The following KIR2DL1 variants were observed in gnomAD, a reference collection of about 807,000 sequenced individuals.
The protein encoded by KIR2DL1 is killer cell immunoglobulin-like receptor 2DL1.
In KIR2DL1, 38 loss-of-function variants were observed where a neutral mutation model predicts 33.9. The ratio of observed to expected loss-of-function variants is 1.12; its 90% CI spans 0.86 to 1.47. KIR2DL1 has a LOEUF of 1.47. Among genes scored for constraint, KIR2DL1 ranks in the 40% most tolerant of loss-of-function variants. KIR2DL1 has a pLI of 0.00. For synonymous variants in KIR2DL1, 179 were observed against 165.9 expected, an observed-to-expected ratio of 1.08 and a Z score of -0.61; for missense variants, 531 against 433.9, an observed-to-expected ratio of 1.22 and a Z score of -1.99.
chr19:54,775,346 C>A lies in KIR2DL1; in HGVS notation c.552C>A (p.Asp184Glu). Residue 184 changes from aspartate (D) to glutamate (E), a missense_variant, in exon 4 of 8, where the codon GAC becomes GAA. Transcript: ENST00000336077. ...AGGTCAACGGAACATTCCAGGCTGACTTTCCTCTGGGCCCTGCCACCCACG... is the reference window on the plus strand; with the variant it reads ...AGGTCAACGGAACATTCCAGGCTGAATTTCCTCTGGGCCCTGCCACCCACG... Reference protein sequence around the residue: ...GPKVNGTFQADFPLGPATHGG... With the variant: ...GPKVNGTFQAEFPLGPATHGG... The A allele has an allele frequency of 4.4e-6, 7 of 1,582,184 alleles. 1 individual carries two copies. Among genetic ancestry groups the A allele is most frequent in the Non-Finnish European group, 6.1e-6 (7 of 1,154,272 alleles).
At position 54,783,371 on chromosome 19, in the gene KIR2DL1, G is replaced by C. The variant is rs1362903764; in HGVS notation, c.818-115G>C. 5.2e-6 allele frequency: 6 copies of C among 1,148,524 alleles called. No individual in the cohort carries two copies. In the Admixed American group the frequency reaches 1.2e-4, roughly 24 times the overall value. The allele number at this position is 1,148,524 out of a possible 1,614,324, so 71.1% of individuals were successfully genotyped here. The stretch of plus-strand genomic sequence containing the variant: ...AGATAGAATGTCTGAGTCTGCTGTT[G>C]GCAACTGAGGGACCTCAGCCACCTA... On this transcript the variant is annotated intron_variant, in intron 6 of 7. Transcript: ENST00000336077.
At chr19:54,776,288 TCCTCCAGTAG>T (rs2076331533) in intron 4 of KIR2DL1, among the ~76,000 whole-genome samples, 2 of 141,872 alleles carry the variant, frequency 1.4e-5, no homozygotes, top group African/African-American at 5.1e-5. Context: ...TTTCTTCCTG[TCCTCCAGTAG>T]CCACCATTCT....
chr19:54,783,454 C>T lies in KIR2DL1; in HGVS notation c.818-32C>T, dbSNP rs370360063. The T allele has an allele frequency of 1.3e-4, 215 of 1,607,312 alleles. 1 individual carries two copies. Among genetic ancestry groups the T allele is most frequent in the African/African-American group, 1.3e-3 (98 of 74,572 alleles). ...GAAATGAGGACCCAGAAGTGCCCTCCGAGCTGTTTTGTTGACTTCCATCTT... is the reference window on the plus strand; with the variant it reads ...GAAATGAGGACCCAGAAGTGCCCTCTGAGCTGTTTTGTTGACTTCCATCTT... On this transcript the variant is annotated intron_variant, in intron 6 of 7. Transcript: ENST00000336077.
At chr19:54,779,666 C>T (rs1234982075) in intron 5 of KIR2DL1, among the ~76,000 whole-genome samples, 1 of 148,506 alleles carries the variant, frequency 6.7e-6, no homozygotes, top group Admixed American at 6.8e-5. Flanking sequence ...CTTCATTCCT[C>T]CTTTCCATGT....
rs1441669126 is a variant in KIR2DL1 at position 54,776,941 on chromosome 19, C to G, written c.664+1483C>G. Among the ~76,000 whole-genome samples the G allele has an allele frequency of 4.7e-5, 7 of 149,426 alleles. No homozygotes were observed. The South Asian group carries it at 1.5e-3, about 32-fold the overall frequency. ...ACAGGCATGATCCACCTCACCCAAC[C>G]TCTTTTTAGTTCTTTAAAGGACTTC... On this transcript the variant is annotated intron_variant, in intron 4 of 7. Transcript: ENST00000336077.
At chr19:54,777,368 C>G (rs28887777) in intron 4 of KIR2DL1, among the ~76,000 whole-genome samples, 24,766 of 118,096 alleles carry the variant, frequency 0.21, 532 homozygotes, top group South Asian at 0.28. Flanking sequence ...TAGGATGACA[C>G]AAGTGAGCCA....
At chr19:54,774,835 G>C (rs1476797317) in intron 3 of KIR2DL1, among the ~76,000 whole-genome samples, 2 of 148,606 alleles carry the variant, frequency 1.3e-5, no homozygotes, top group Non-Finnish European at 3.0e-5. Context: ...ATAATAGATA[G>C]AAATATGCAG....
chr19:54,775,606 A>G (rs2076237511), intron 4 of KIR2DL1, 148 bp downstream of exon 4: 1 of 1,163,582 alleles, frequency 8.6e-7, no homozygotes, highest in East Asian at 2.4e-5. Flanking sequence ...AGGATGGCCG[A>G]CAGGGCACCT....
At chr19:54,781,629 T>G (rs2076958333) in intron 5 of KIR2DL1, among the ~76,000 whole-genome samples, 1 of 151,804 alleles carries the variant, frequency 6.6e-6, no homozygotes, top group African/African-American at 2.4e-5. Flanking sequence ...TTTGAAGCAA[T>G]AGATGGCCGA....
intron 3 of KIR2DL1, among the ~76,000 whole-genome samples, chr19:54,774,646 A>G (rs1480989803): frequency 0.01 from 1,486 of 148,294 alleles, no homozygotes; most frequent in African/African-American, 0.035. Flanking sequence ...GATAATACAT[A>G]GAGATACAGA....
At position 54,775,089 on chromosome 19, in the gene KIR2DL1, G is replaced by A. The variant is rs1387561763; in HGVS notation, c.371-76G>A. On this transcript the variant is annotated intron_variant, in intron 3 of 7. Coordinates refer to ENST00000336077, the MANE Select transcript of KIR2DL1 (RefSeq NM_014218.3). ...GAGCATTAGGTCATAGAACAGGGGA[G>A]TGAGTTCTCAGCTCAGGTGAAGGGA... The A allele has an allele frequency of 4.1e-5, 60 of 1,472,716 alleles. 1 individual carries two copies. The Middle Eastern group carries it at 8.1e-4, about 20-fold the overall frequency. 91.2% of individuals were successfully genotyped at this position (1,472,716 alleles called of 1,614,324 possible). A position where few individuals can be genotyped will look rare whatever the true frequency, so the allele number is the denominator to read the frequency against.
rs1174070412 is a variant in KIR2DL1, at chr19:54,773,183, C to G, written c.71-150C>G. On this transcript the variant is annotated intron_variant, in intron 2 of 7. Transcript: ENST00000336077. ...AGGGAGACAGATGGAAGGACCTGCA[C>G]CAGGAGTTATGGGCACAGAAAAGAA... The G allele has an allele frequency of 2.7e-5, 27 of 987,712 alleles. 1 individual carries two copies. The highest frequency in any genetic ancestry group is 3.7e-5 in the Non-Finnish European group (25 of 675,368). 61.2% of individuals were successfully genotyped at this position (987,712 alleles called of 1,614,324 possible).
At position 54,783,653 on chromosome 19, in the gene KIR2DL1, A is replaced by G. The variant is rs112810313; in HGVS notation, c.887A>G (p.Asp296Gly). ...TCTCTCCAGGACTCTGATGAACAAG[A>G]CCCTCAGGAGGTGACATACACACAG... Reference protein sequence around the residue: ...TANSEDSDEQDPQEVTYTQLN... With the variant: ...TANSEDSDEQGPQEVTYTQLN... The change falls in exon 8 of 8, where the codon GAC (aspartate) becomes GGC (glycine). Residue 296 changes from aspartate to glycine, a missense_variant. By Grantham distance (94) the Asp-to-Gly change is moderately conservative. Coordinates refer to ENST00000336077, the MANE Select transcript of KIR2DL1 (RefSeq NM_014218.3). The G allele has an allele frequency of 8.7e-6, 14 of 1,613,986 alleles. No homozygotes were observed. Among genetic ancestry groups the G allele is most frequent in the Admixed American group, 3.3e-5 (2 of 60,016 alleles).
At position 54,770,487 on chromosome 19, in the gene KIR2DL1, G is replaced by A. The variant is rs1183808123; in HGVS notation, c.35-362G>A. On this transcript the variant is annotated intron_variant, in intron 1 of 7. Transcript: ENST00000336077. ...TGGAGTGGAGATATGGGACTGGAGA[G>A]GAGATATGGACCTGGAGTGGAGATA... 4.1e-5 allele frequency among the ~76,000 whole-genome samples: 6 copies of A among 146,924 alleles called. 1 individual carries two copies. Among genetic ancestry groups the A allele is most frequent in the Admixed American group, 6.9e-5 (1 of 14,528 alleles).
rs147053137 is a variant in KIR2DL1 at position 54,773,559 on chromosome 19, A to T, written c.297A>T (p.Arg99Ser). Residue 99 changes from arginine (R) to serine (S), a missense_variant, in exon 3 of 8, where the codon AGA (arginine) becomes AGT (serine). Coordinates refer to ENST00000336077, the MANE Select transcript of KIR2DL1 (RefSeq NM_014218.3). ...CGCAAGACCTGGCAGGGACCTACAG[A>T]TGCTACGGTTCTGTTACTCACTCCC... ...RMTQDLAGTY[R>S]CYGSVTHSPY... 1 of 1,582,124 alleles carries T rather than the reference A, an allele frequency of 6.3e-7. No individual in the cohort carries two copies. The highest frequency in any genetic ancestry group is 1.4e-5 in the African/African-American group (1 of 74,066).
intron 5 of KIR2DL1, among the ~76,000 whole-genome samples, chr19:54,781,658 A>G (rs2076964411): frequency 1.3e-5 from 2 of 151,916 alleles, no homozygotes; most frequent in African/African-American, 4.8e-5. Context: ...TCCTTCCCCC[A>G]GCCTCTCGGG....
chr19:54,772,098 A>T (rs2075799755), intron 2 of KIR2DL1, among the ~76,000 whole-genome samples: 1 of 148,100 alleles, frequency 6.8e-6, no homozygotes, highest in African/African-American at 2.5e-5. Context: ...GTCTGTGACT[A>T]TTTATGATAT....
At position 54,782,786 on chromosome 19, in the gene KIR2DL1, G is replaced by A. The variant is rs1371177198; in HGVS notation, c.716-136G>A. Reference sequence around the variant, plus strand: ...GCTATAACAGAAAAAGCAGGAGAAAGCTGGGTCTCCTGCCATCTGGGTGCT... The same window carrying A: ...GCTATAACAGAAAAAGCAGGAGAAAACTGGGTCTCCTGCCATCTGGGTGCT... On this transcript the variant is annotated intron_variant, in intron 5 of 7. Transcript: ENST00000336077. The A allele has an allele frequency of 1.8e-5, 16 of 875,654 alleles. No homozygotes were observed. In the African/African-American group the frequency reaches 2.6e-4, roughly 14 times the overall value. 54.2% of individuals were successfully genotyped at this position (875,654 alleles called of 1,614,324 possible).
At position 54,770,100 on chromosome 19, in the gene KIR2DL1, G is replaced by A. The variant is rs1485534290; in HGVS notation, c.34+216G>A. Among the ~76,000 whole-genome samples, 2 of 146,190 alleles carry A rather than the reference G, an allele frequency of 1.4e-5. 1 individual carries two copies. Among genetic ancestry groups the A allele is most frequent in the Middle Eastern group, 6.5e-3 (2 of 308 alleles). Reference sequence around the variant, plus strand: ...CTGGAGGTGGAGTGATGGGACTGTAGTGGAGATCTGGGCCTGGAGTGGAGA... The same window carrying A: ...CTGGAGGTGGAGTGATGGGACTGTAATGGAGATCTGGGCCTGGAGTGGAGA... On this transcript the variant is annotated intron_variant, in intron 1 of 7. Transcript: ENST00000336077.
Sources: gnomAD v4.1 joint callset for allele counts (sites outside exome capture counted in the v4.1 genomes callset) on GRCh38, gnomAD v4.1.1 for gene constraint, MANE v1.5 for transcripts, NCBI Gene and HGNC (gene_info 2026-07-23, HGNC 2026-07-21) for gene names.